TRIM44: variants seen among roughly 807,000 people sequenced by gnomAD.
The protein encoded by TRIM44 is tripartite motif-containing protein 44.
In TRIM44, 13 loss-of-function variants were observed where a neutral mutation model predicts 37.4. That is an observed-to-expected ratio of 0.35 (90% CI 0.23 to 0.55). The LOEUF is 0.55. TRIM44 is among the 20% of genes least tolerant of loss of function. The probability of loss-of-function intolerance (pLI) is 0.89; values close to 1 mark genes in which losing one functional copy is unlikely to be tolerated. For synonymous variants in TRIM44, 175 were observed against 157.2 expected, an observed-to-expected ratio of 1.11 and a Z score of -0.85; for missense variants, 426 against 437.2, an observed-to-expected ratio of 0.97 and a Z score of 0.23.
Position 35,662,828 on chromosome 11 carries a change from G to A in TRIM44, c.-284G>A. 1 of 299,308 alleles carries A rather than the reference G, an allele frequency of 3.3e-6. No homozygotes were observed. Among genetic ancestry groups the A allele is most frequent in the Non-Finnish European group, 5.9e-6 (1 of 170,310 alleles). 18.5% of individuals were successfully genotyped at this position (299,308 alleles called of 1,614,324 possible). On this transcript the variant is annotated 5_prime_UTR_variant, in exon 1 of 5. Coordinates refer to ENST00000299413, the MANE Select transcript of TRIM44 (RefSeq NM_017583.6). ...CGGGAGGCTGAGCGGGCGGCGCGAC[G>A]CGGGGGCCGACGGGGGCGCCGGGTG...
At chr11:35,703,539 G>A (rs928896425) in intron 2 of TRIM44, among the ~76,000 whole-genome samples, 25 of 152,258 alleles carry the variant, frequency 1.6e-4, no homozygotes, top group African/African-American at 5.1e-4. Flanking sequence ...CACCTCACAC[G>A]GCCGGGTACT....
chr11:35,673,908 A>G (rs1262831417), intron 1 of TRIM44, among the ~76,000 whole-genome samples: 4 of 151,838 alleles, frequency 2.6e-5, no homozygotes, highest in African/African-American at 4.8e-5. Context: ...CACCTAACCC[A>G]AGTCTGAGAA....
At position 35,817,213 on chromosome 11, in the gene TRIM44, T is replaced by C. The variant is rs141754812; in HGVS notation, c.*10828T>C. ...CATGCAGAAAACTGAAAGATACCTT[T>C]AGCTACATCTACCCCAGAATGAGTG... On this transcript the variant is annotated 3_prime_UTR_variant, in exon 5 of 5. Transcript: ENST00000299413. 1.5e-3 allele frequency: 228 copies of C among 152,226 alleles called. 1 individual carries two copies. Among genetic ancestry groups the C allele is most frequent in the African/African-American group, 5.2e-3 (216 of 41,528 alleles). 9.4% of individuals were successfully genotyped at this position (152,226 alleles called of 1,614,324 possible). A position where few individuals can be genotyped will look rare whatever the true frequency, so the allele number is the denominator to read the frequency against.
At chr11:35,689,787 C>T (rs1198060726) in intron 2 of TRIM44, among the ~76,000 whole-genome samples, 1 of 152,124 alleles carries the variant, frequency 6.6e-6, no homozygotes. Context: ...ACGTTGATTC[C>T]CTTTCCTCCC....
At chr11:35,736,802 C>T (rs1409360427) in intron 4 of TRIM44, among the ~76,000 whole-genome samples, 1 of 152,222 alleles carries the variant, frequency 6.6e-6, no homozygotes, top group African/African-American at 2.4e-5. Context: ...TTCAACCATT[C>T]TCAGGAACAG....
chr11:35,685,172 T>G, intron 1 of TRIM44, 87 bp from the exon 2 acceptor site: 1 of 1,146,588 alleles, frequency 8.7e-7, no homozygotes, highest in Non-Finnish European at 1.3e-6. Flanking sequence ...AAAATTGCTT[T>G]CTATTTCATT....
rs1853514673 is a variant in TRIM44 at position 35,810,434 on chromosome 11, G to A, written c.*4049G>A. 6.6e-6 allele frequency: 1 copy of A among 152,054 alleles called. No homozygotes were observed. The highest frequency in any genetic ancestry group is 1.5e-5 in the Non-Finnish European group (1 of 68,008). The allele number at this position is 152,054 out of a possible 1,614,324, so 9.4% of individuals were successfully genotyped here. A position where few individuals can be genotyped will look rare whatever the true frequency, so the allele number is the denominator to read the frequency against. On this transcript the variant is annotated 3_prime_UTR_variant, in exon 5 of 5. Coordinates refer to ENST00000299413, the MANE Select transcript of TRIM44 (RefSeq NM_017583.6). The stretch of plus-strand genomic sequence containing the variant: ...CAGCCCAGCTCTAAGAGAAAAAGAA[G>A]GCCCATATGGGAGACTTCAGTCTCA...
At chr11:35,717,120 T>TAAA (rs1192786802) in intron 2 of TRIM44, among the ~76,000 whole-genome samples, 8 of 152,192 alleles carry the variant, frequency 5.3e-5, no homozygotes, top group Non-Finnish European at 5.9e-5. Context: ...GTGAGACTGA[T>TAAA]TTCCTGTAGA....
chr11:35,686,514 G>A (rs760058543), intron 2 of TRIM44, among the ~76,000 whole-genome samples: 7 of 151,820 alleles, frequency 4.6e-5, no homozygotes, highest in Admixed American at 2.0e-4. Context: ...CAGTTCAATG[G>A]CATTAAGTAC....
rs1299264928 is a variant in TRIM44, at chr11:35,663,405, G to T, written c.294G>T (p.Glu98Asp). The T allele has an allele frequency of 5.7e-6, 9 of 1,589,602 alleles. No homozygotes were observed. Among genetic ancestry groups the T allele is most frequent in the Non-Finnish European group, 7.7e-6 (9 of 1,166,716 alleles). ...AGATAGAAAGCGAGGCAGGGGAAGAGAGTGAGTCGGAGGAAGAGAGCGAGT... is the reference window on the plus strand; with the variant it reads ...AGATAGAAAGCGAGGCAGGGGAAGATAGTGAGTCGGAGGAAGAGAGCGAGT... Reference protein sequence around the residue: ...EREIESEAGEESESEEESESE... With the variant: ...EREIESEAGEDSESEEESESE... The change falls in exon 1 of 5, where the codon GAG (glutamate) becomes GAT (aspartate). Residue 98 changes from glutamate to aspartate, a missense_variant. Coordinates refer to ENST00000299413, the MANE Select transcript of TRIM44 (RefSeq NM_017583.6).
chr11:35,768,164 T>G (rs763476566), intron 4 of TRIM44, among the ~76,000 whole-genome samples: 10 of 152,230 alleles, frequency 6.6e-5, no homozygotes, highest in Non-Finnish European at 1.0e-4. Flanking sequence ...CCAAAGAGAA[T>G]GTTTAACTTG....
intron 1 of TRIM44, among the ~76,000 whole-genome samples, chr11:35,684,103 T>C (rs1851548512): frequency 6.6e-6 from 1 of 152,158 alleles, no homozygotes; most frequent in African/African-American, 2.4e-5. Context: ...ACACAGCTAG[T>C]GTGTGACTAA....
At chr11:35,753,269 G>A (rs1271587888) in intron 4 of TRIM44, among the ~76,000 whole-genome samples, 1 of 152,198 alleles carries the variant, frequency 6.6e-6, no homozygotes, top group African/African-American at 2.4e-5. Flanking sequence ...TATAGACATG[G>A]AAGAGAAAGC....
chr11:35,756,658 T>C (rs1590573460), intron 4 of TRIM44, among the ~76,000 whole-genome samples: 1 of 152,220 alleles, frequency 6.6e-6, no homozygotes, highest in Non-Finnish European at 1.5e-5. Flanking sequence ...TAGATAGCTC[T>C]TATTATTTCA....
chr11:35,727,089 T>C (rs1236208066), intron 3 of TRIM44, among the ~76,000 whole-genome samples: 1 of 151,448 alleles, frequency 6.6e-6, no homozygotes, highest in East Asian at 1.9e-4. Context: ...GCCCCGGAGG[T>C]TGAGGCTGCA....
chr11:35,768,039 A>T (rs1462821408), intron 4 of TRIM44, among the ~76,000 whole-genome samples: 1 of 152,182 alleles, frequency 6.6e-6, no homozygotes, highest in Non-Finnish European at 1.5e-5. Context: ...ACTGAATCAC[A>T]TAGAGGGACC....
intron 4 of TRIM44, among the ~76,000 whole-genome samples, chr11:35,802,927 C>G (rs1414161129): frequency 6.6e-6 from 1 of 152,160 alleles, no homozygotes; most frequent in East Asian, 1.9e-4. Flanking sequence ...TGTAATGTTT[C>G]AGCTGCCAGA....
At chr11:35,687,968 A>G (rs1851600032) in intron 2 of TRIM44, among the ~76,000 whole-genome samples, 1 of 152,220 alleles carries the variant, frequency 6.6e-6, no homozygotes, top group Non-Finnish European at 1.5e-5. Context: ...ACGTAATTGC[A>G]GAATGACTGC....
chr11:35,773,686 T>C (rs570322717), intron 4 of TRIM44, among the ~76,000 whole-genome samples: 2 of 152,270 alleles, frequency 1.3e-5, no homozygotes, highest in East Asian at 3.9e-4. Flanking sequence ...GCATTCTCAT[T>C]GTTCAGTTCC....
Sources: allele counts gnomAD v4.1 joint callset (sites outside exome capture counted in the v4.1 genomes callset), GRCh38; gene constraint gnomAD v4.1.1; transcripts MANE v1.5; gene names NCBI Gene and HGNC (gene_info 2026-07-23, HGNC 2026-07-21).